The following RALGAPA1 variants were observed in gnomAD, a reference collection of about 807,000 sequenced individuals.
RALGAPA1 encodes the protein Ral GTPase activating protein catalytic subunit alpha 1.
In RALGAPA1, 52 loss-of-function variants were observed where a neutral mutation model predicts 269.6. The observed-to-expected ratio is 0.19, with a 90% CI of 0.15 to 0.24. RALGAPA1 has a LOEUF of 0.24. RALGAPA1 is among the 10% of genes least tolerant of loss of function. The pLI, the probability that RALGAPA1 is intolerant of heterozygous loss-of-function variation, is 1.00. For synonymous variants in RALGAPA1, 817 were observed against 1,008.3 expected (o/e 0.81, Z 3.60); for missense variants, 1,917 against 3,013.9 (o/e 0.64, Z 8.52).
At chr14:35,612,975 G>GA (rs1220844592) in intron 35 of RALGAPA1, among the ~76,000 whole-genome samples, 1 of 151,786 alleles carries the variant, frequency 6.6e-6, no homozygotes. Flanking sequence ...TACAGAATGA[G>GA]AAAAAAATTG....
At chr14:35,609,928 C>CAA (rs534206859) in intron 35 of RALGAPA1, among the ~76,000 whole-genome samples, 39 of 58,884 alleles carry the variant, frequency 6.6e-4, no homozygotes, top group African/African-American at 1.7e-3. Flanking sequence ...ACCCTGTCTC[C>CAA]AAAAAAAAAA....
chr14:35,808,638 G>C, intron 1 of RALGAPA1, 92 bp downstream of exon 1: 1 of 1,393,082 alleles, frequency 7.2e-7, no homozygotes, highest in Non-Finnish European at 9.9e-7. Context: ...CTCCTGCACC[G>C]CGCCAGGTCC....
At chr14:35,717,383 C>G (rs2068927668) in intron 16 of RALGAPA1, among the ~76,000 whole-genome samples, 1 of 152,158 alleles carries the variant, frequency 6.6e-6, no homozygotes, top group Admixed American at 6.5e-5. Flanking sequence ...CACCTGACCT[C>G]AGGTGATCCG....
chr14:35,623,836 T>A (rs931768398), intron 35 of RALGAPA1, among the ~76,000 whole-genome samples: 4 of 152,148 alleles, frequency 2.6e-5, no homozygotes, highest in African/African-American at 9.7e-5. Context: ...TCCCAGCACT[T>A]TGGGAGGCCA....
At chr14:35,609,237 A>C (rs971304760) in intron 35 of RALGAPA1, among the ~76,000 whole-genome samples, 3 of 151,914 alleles carry the variant, frequency 2.0e-5, no homozygotes, top group Admixed American at 6.6e-5. Context: ...AAAAAAAAAA[A>C]ACCAAAAAAC....
intron 26 of RALGAPA1, among the ~76,000 whole-genome samples, chr14:35,665,343 T>C (rs12896037): frequency 6.6e-6 from 1 of 152,260 alleles, no homozygotes; most frequent in Non-Finnish European, 1.5e-5. Context: ...TAGCCATTTC[T>C]GAAGTATCAA....
chr14:35,753,007 C>T (rs906553583), intron 7 of RALGAPA1, among the ~76,000 whole-genome samples: 2 of 152,104 alleles, frequency 1.3e-5, no homozygotes, highest in South Asian at 2.1e-4. Context: ...AACAGACAGA[C>T]AGGCAGAAAC....
At chr14:35,568,845 T>C (rs1234523231) in intron 39 of RALGAPA1, among the ~76,000 whole-genome samples, 2 of 152,218 alleles carry the variant, frequency 1.3e-5, no homozygotes, top group Non-Finnish European at 2.9e-5. Flanking sequence ...AAACTCGCCA[T>C]GTCCATACTA....
intron 22 of RALGAPA1, chr14:35,676,109 T>G (rs1480430176): frequency 6.6e-6 from 1 of 152,128 alleles, no homozygotes; most frequent in East Asian, 1.9e-4. Context: ...ACCTTCAAAA[T>G]ACAATGATAA....
chr14:35,751,330 T>C (rs896384376), intron 8 of RALGAPA1, among the ~76,000 whole-genome samples: 1 of 152,210 alleles, frequency 6.6e-6, no homozygotes, highest in Non-Finnish European at 1.5e-5. Flanking sequence ...AGACTAACAC[T>C]TGATTGAACC....
intron 35 of RALGAPA1, among the ~76,000 whole-genome samples, chr14:35,609,330 A>G (rs566521570): frequency 7.9e-5 from 12 of 152,302 alleles, no homozygotes; most frequent in Admixed American, 2.0e-4. Context: ...TGAAAGTAGA[A>G]ATCAATGAAA....
At chr14:35,650,383 G>A (rs994998920) in intron 31 of RALGAPA1, among the ~76,000 whole-genome samples, 3 of 151,484 alleles carry the variant, frequency 2.0e-5, no homozygotes, top group Admixed American at 1.3e-4. Context: ...AGATGACTCC[G>A]CCTCAAAAAA....
intron 37 of RALGAPA1, among the ~76,000 whole-genome samples, chr14:35,583,885 A>G (rs2058107160): frequency 6.6e-6 from 1 of 152,186 alleles, no homozygotes; most frequent in Admixed American, 6.5e-5. Context: ...TGAAAAAGAA[A>G]TAAGACTTTC....
intron 16 of RALGAPA1, chr14:35,716,012 T>C: frequency 1.0e-6 from 1 of 985,292 alleles, no homozygotes; most frequent in Non-Finnish European, 1.2e-6. Context: ...AAGTTCACTA[T>C]GTTGCTGGCA....
At chr14:35,543,627 C>G (rs2054203731) in intron 41 of RALGAPA1, among the ~76,000 whole-genome samples, 1 of 152,076 alleles carries the variant, frequency 6.6e-6, no homozygotes, top group African/African-American at 2.4e-5. Flanking sequence ...AAGGAAATAA[C>G]ACAATTTATT....
At chr14:35,564,083 C>T (rs916308585) in intron 39 of RALGAPA1, among the ~76,000 whole-genome samples, 2 of 152,066 alleles carry the variant, frequency 1.3e-5, no homozygotes, top group African/African-American at 2.4e-5. Flanking sequence ...ATGATAATAA[C>T]GATAGCATCA....
chr14:35,742,596 A>T, intron 10 of RALGAPA1, 31 bp from the exon 11 acceptor site: 1 of 1,504,872 alleles, frequency 6.6e-7, no homozygotes, highest in Non-Finnish European at 9.2e-7. Flanking sequence ...CAAGATAATG[A>T]TACTTTTTCC....
chr14:35,721,362 A>G (rs1338547850), intron 16 of RALGAPA1, among the ~76,000 whole-genome samples: 2 of 152,200 alleles, frequency 1.3e-5, no homozygotes, highest in Non-Finnish European at 2.9e-5. Flanking sequence ...AATTCCTTCA[A>G]TGAAACCACA....
At chr14:35,672,807 A>C in intron 25 of RALGAPA1, 60 bp downstream of exon 25, 1 of 1,389,100 alleles carries the variant, frequency 7.2e-7, no homozygotes, top group Non-Finnish European at 9.5e-7. Flanking sequence ...AAACAGAATC[A>C]AGAATCAAAG....
Sources: allele counts gnomAD v4.1 joint callset (sites outside exome capture counted in the v4.1 genomes callset), GRCh38; gene constraint gnomAD v4.1.1; transcripts MANE v1.5; gene names NCBI Gene and HGNC (gene_info 2026-07-23, HGNC 2026-07-21).